SLC43A3: variants seen among roughly 807,000 people sequenced by gnomAD.
The protein encoded by SLC43A3 is equilibrative nucleobase transporter 1.
SLC43A3 carries 33 observed loss-of-function variants against 53.3 expected under a neutral mutation model. That is an observed-to-expected ratio of 0.62 (90% CI 0.47 to 0.83). The LOEUF (loss-of-function observed/expected upper bound fraction) is 0.83. SLC43A3 is among the 40% of genes least tolerant of loss of function. SLC43A3 has a pLI of 0.00. For missense variants in SLC43A3, 530 were observed against 610.0 expected (o/e 0.87, Z 1.38); for synonymous variants, 236 against 246.2 (o/e 0.96, Z 0.39).
At chr11:57,424,939 C>G (rs1357136412) in intron 4 of SLC43A3, among the ~76,000 whole-genome samples, 1 of 152,232 alleles carries the variant, frequency 6.6e-6, no homozygotes, top group African/African-American at 2.4e-5. Context: ...CAGCAACACA[C>G]TGTGTGTGAG....
At chr11:57,408,867 T>C in intron 13 of SLC43A3, 1 of 329,120 alleles carries the variant, frequency 3.0e-6, no homozygotes, top group Non-Finnish European at 5.7e-6. Flanking sequence ...GTCCTGTCCC[T>C]GGGGCCAACT....
At chr11:57,425,105 G>A (rs929965404) in intron 4 of SLC43A3, among the ~76,000 whole-genome samples, 2 of 152,186 alleles carry the variant, frequency 1.3e-5, no homozygotes, top group East Asian at 1.9e-4. Context: ...CGGGGAGGGG[G>A]GGCGGTGAGG....
At chr11:57,411,183 C>T (rs1043569230) in intron 11 of SLC43A3, among the ~76,000 whole-genome samples, 6 of 152,098 alleles carry the variant, frequency 3.9e-5, no homozygotes, top group Non-Finnish European at 5.9e-5. Flanking sequence ...TCTTGTTTCA[C>T]AGTTTTACCT....
intron 11 of SLC43A3, among the ~76,000 whole-genome samples, chr11:57,413,574 G>T (rs898404385): frequency 6.6e-6 from 1 of 152,098 alleles, no homozygotes; most frequent in Admixed American, 6.5e-5. Context: ...GCATGGGTGG[G>T]GGAAGGGATA....
intron 8 of SLC43A3, among the ~76,000 whole-genome samples, chr11:57,416,950 C>A (rs1169602762): frequency 6.6e-6 from 1 of 152,214 alleles, no homozygotes; most frequent in African/African-American, 2.4e-5. Flanking sequence ...AGGTTCAAAT[C>A]CCAGCTCTGC....
chr11:57,415,796 T>C (rs1942692760), intron 9 of SLC43A3, among the ~76,000 whole-genome samples: 1 of 152,042 alleles, frequency 6.6e-6, no homozygotes, highest in South Asian at 2.1e-4. Flanking sequence ...TTGGATCCAA[T>C]TGTCAGATGG....
At position 57,407,818 on chromosome 11, in the gene SLC43A3, T is replaced by C. The variant is rs181840070; in HGVS notation, c.1450A>G (p.Lys484Glu). The part of the protein sequence containing the change: ...FLVYRECRTW[K>E]ESPSAIA ...TATGCAATTGCAGAGGGACTTTCTT[T>C]CCAAGTACGGCATTCCCGATATACC... The change falls in exon 14 of 14, where the codon AAA becomes GAA. Residue 484 changes from lysine to glutamate, a missense_variant. Transcript: ENST00000395124. The C allele has an allele frequency of 3.7e-6, 6 of 1,612,696 alleles. No homozygotes were observed. In the East Asian group the frequency reaches 1.3e-4, roughly 36 times the overall value.
Position 57,407,728 on chromosome 11 carries a change from G to A in SLC43A3, c.*64C>T. The A allele has an allele frequency of 1.1e-6, 1 of 928,450 alleles. No homozygotes were observed. The highest frequency in any genetic ancestry group is 1.8e-6 in the Non-Finnish European group (1 of 568,520). 57.5% of individuals were successfully genotyped at this position (928,450 alleles called of 1,614,324 possible). ...TAGGCAAAGTCTTTTGGGACACGAG[G>A]TCCTCAAAGGTGGTGGAAGATGAAC... On this transcript the variant is annotated 3_prime_UTR_variant, in exon 14 of 14. Coordinates refer to ENST00000395124, the MANE Select transcript of SLC43A3 (RefSeq NM_199329.3).
chr11:57,414,987 T>A lies in SLC43A3; in HGVS notation c.889A>T (p.Ile297Phe). The change falls in exon 10 of 14, where the codon ATT becomes TTT. Residue 297 changes from isoleucine (I) to phenylalanine (F), a missense_variant. Around this residue, in one of 3 missense-constraint regions of SLC43A3, gnomAD observed 376 missense variants for 386.7 expected, o/e 0.97. Transcript: ENST00000395124. ...GTCAGCAAGGAGTTGAGAGTGCCAA[T>A]GAAGAGGTAGTGCCACAACTGTATC... ...SVIQLWHYLF[I>F]GTLNSLLTNM... The A allele has an allele frequency of 6.2e-7, 1 of 1,613,894 alleles. No individual in the cohort carries two copies. Among genetic ancestry groups the A allele is most frequent in the Non-Finnish European group, 8.5e-7 (1 of 1,180,020 alleles).
At chr11:57,425,108 C>T (rs1590713164) in intron 4 of SLC43A3, among the ~76,000 whole-genome samples, 1 of 151,754 alleles carries the variant, frequency 6.6e-6, no homozygotes, top group African/African-American at 2.4e-5. Context: ...GGAGGGGGGG[C>T]GGTGAGGAGG....
intron 11 of SLC43A3, among the ~76,000 whole-genome samples, chr11:57,412,778 A>C (rs189546881): frequency 4.6e-5 from 7 of 152,086 alleles, no homozygotes; most frequent in African/African-American, 1.7e-4. Flanking sequence ...ACTGCACTCC[A>C]GCCTAGGCAA....
At position 57,416,548 on chromosome 11, in the gene SLC43A3, A is replaced by C. The variant is rs143862070; in HGVS notation, c.769+25T>G. On this transcript the variant is annotated intron_variant, in intron 9 of 13. Coordinates refer to ENST00000395124, the MANE Select transcript of SLC43A3 (RefSeq NM_199329.3). ...AAGGAGAGGCTTGGGTCTGGAGGAGAGATGGGTTAGCCAGCAGGGCTCACC... is the reference window on the plus strand; with the variant it reads ...AAGGAGAGGCTTGGGTCTGGAGGAGCGATGGGTTAGCCAGCAGGGCTCACC... 5,176 of 1,588,212 alleles carry C rather than the reference A, an allele frequency of 3.3e-3. 13 individuals are homozygous for C. Among genetic ancestry groups the C allele is most frequent in the Non-Finnish European group, 3.9e-3 (4,482 of 1,157,466 alleles).
rs748877337 is a variant in SLC43A3, at chr11:57,416,631, T to C, written c.711A>G (p.Glu237=). Residue 237 remains glutamate (E), a synonymous_variant, in exon 9 of 14, where the codon GAA becomes GAG. Coordinates refer to ENST00000395124, the MANE Select transcript of SLC43A3 (RefSeq NM_199329.3). ...PGNGTTKEEK[E]TAEHENRELQ... is the part of the protein sequence containing the mutation. ...GCTCCCTGTTTTCATGCTCAGCTGT[T>C]TCCTTCTCTTCCTTTGTGGTGCCAT... 11 of 1,614,168 alleles carry C rather than the reference T, an allele frequency of 6.8e-6. No individual in the cohort carries two copies. The highest frequency in any genetic ancestry group is 9.3e-6 in the Non-Finnish European group (11 of 1,180,022).
intron 4 of SLC43A3, among the ~76,000 whole-genome samples, chr11:57,424,909 CAG>C (rs1943143352): frequency 6.6e-6 from 1 of 152,218 alleles, no homozygotes; most frequent in African/African-American, 2.4e-5. Flanking sequence ...AGCCTGGCCA[CAG>C]AGCACGAGAT....
intron 11 of SLC43A3, among the ~76,000 whole-genome samples, chr11:57,414,295 G>A (rs1022315554): frequency 2.0e-5 from 3 of 152,084 alleles, no homozygotes; most frequent in South Asian, 4.1e-4. Flanking sequence ...CAGATCACCC[G>A]AGGTCAGGAG....
At chr11:57,424,806 GTC>G (rs985912931) in intron 4 of SLC43A3, among the ~76,000 whole-genome samples, 1 of 152,072 alleles carries the variant, frequency 6.6e-6, no homozygotes, top group African/African-American at 2.4e-5. Context: ...CAGCCCTCCC[GTC>G]TCTCTCTCTG....
intron 4 of SLC43A3, 80 bp from the exon 5 acceptor site, chr11:57,424,108 G>T: frequency 7.2e-7 from 1 of 1,396,048 alleles, no homozygotes; most frequent in Non-Finnish European, 1.0e-6. Context: ...TGCTCAGCCA[G>T]CCCACAAGTG....
chr11:57,421,433 A>G, intron 5 of SLC43A3, 60 bp from the exon 6 acceptor site: 2 of 1,281,668 alleles, frequency 1.6e-6, no homozygotes, highest in Non-Finnish European at 2.3e-6. Context: ...ATGGAGCCCC[A>G]AACTCTGCTC....
chr11:57,411,471 CAAAAAAAAAAAAAAAAAAAA>C (rs56994898), intron 11 of SLC43A3, among the ~76,000 whole-genome samples: 1 of 78,880 alleles, frequency 1.3e-5, no homozygotes, highest in African/African-American at 5.7e-5. Flanking sequence ...CCTTCCTCTA[CAAAAAAAAAAAAAAAAAAAA>C]AAAAAAAAAA....
Sources: allele counts gnomAD v4.1 joint callset (sites outside exome capture counted in the v4.1 genomes callset), GRCh38; gene constraint gnomAD v4.1.1; regional missense constraint gnomAD v4.1.1; transcripts MANE v1.5; gene names NCBI Gene and HGNC (gene_info 2026-07-23, HGNC 2026-07-21).